The following CCBE1 variants were observed in gnomAD, a reference collection of about 807,000 sequenced individuals.
The protein encoded by CCBE1 is collagen and calcium binding EGF domains 1, also known as collagen and calcium-binding EGF domain-containing protein 1.
Under a neutral mutation model 50.0 loss-of-function variants are expected in CCBE1, and 37 were observed. The ratio of observed to expected loss-of-function variants is 0.74; its 90% CI spans 0.57 to 0.97. CCBE1 has a LOEUF of 0.97. CCBE1 is among the 50% of genes least tolerant of loss of function. CCBE1 has a pLI of 0.00. For synonymous variants in CCBE1, 234 were observed against 203.7 expected, an observed-to-expected ratio of 1.15 and a Z score of -1.27; for missense variants, 538 against 523.8, an observed-to-expected ratio of 1.03 and a Z score of -0.26.
intron 2 of CCBE1, among the ~76,000 whole-genome samples, chr18:59,586,899 C>A (rs924083972): frequency 6.6e-6 from 1 of 152,154 alleles, no homozygotes; most frequent in Non-Finnish European, 1.5e-5. Context: ...ACCTTAAAAA[C>A]GTTCTTTATT....
intron 2 of CCBE1, among the ~76,000 whole-genome samples, chr18:59,521,161 G>A (rs17836213): frequency 0.055 from 8,394 of 152,168 alleles, 805 homozygotes; most frequent in East Asian, 0.36. Flanking sequence ...TTTAACAGTC[G>A]AGATGGCTAT....
chr18:59,524,708 T>C (rs1914746037), intron 2 of CCBE1, among the ~76,000 whole-genome samples: 3 of 152,182 alleles, frequency 2.0e-5, no homozygotes, highest in Non-Finnish European at 4.4e-5. Context: ...ATCACCTAGG[T>C]ATTAAGACTT....
At chr18:59,589,832 C>T (rs958783845) in intron 2 of CCBE1, among the ~76,000 whole-genome samples, 7 of 144,356 alleles carry the variant, frequency 4.8e-5, no homozygotes, top group African/African-American at 7.6e-5. Flanking sequence ...AAAAATGTTA[C>T]ACACCTTGAC....
At chr18:59,531,549 A>G (rs915685300) in intron 2 of CCBE1, among the ~76,000 whole-genome samples, 2 of 152,060 alleles carry the variant, frequency 1.3e-5, no homozygotes, top group African/African-American at 4.8e-5. Context: ...AGAATTCAAG[A>G]CCAGCCTGGG....
chr18:59,597,494 C>T (rs1317509468), intron 2 of CCBE1, among the ~76,000 whole-genome samples: 2 of 152,162 alleles, frequency 1.3e-5, no homozygotes, highest in African/African-American at 4.8e-5. Context: ...CTTGCTTCCT[C>T]CGGTCCTCTC....
chr18:59,686,913 G>T (rs1476290364), intron 2 of CCBE1, among the ~76,000 whole-genome samples: 6 of 152,150 alleles, frequency 3.9e-5, no homozygotes, highest in African/African-American at 1.2e-4. Flanking sequence ...TAATCATTCA[G>T]ATTTGGCCAG....
chr18:59,467,617 G>A (rs776233687), intron 4 of CCBE1, among the ~76,000 whole-genome samples: 3 of 152,152 alleles, frequency 2.0e-5, no homozygotes, highest in Admixed American at 6.5e-5. Flanking sequence ...CTCCCCTGCC[G>A]CATGGTGGAA....
chr18:59,451,822 T>C (rs1485143677), intron 6 of CCBE1, among the ~76,000 whole-genome samples: 3 of 151,974 alleles, frequency 2.0e-5, no homozygotes, highest in African/African-American at 7.3e-5. Context: ...ATAAAAAAAG[T>C]AAGCACCCTT....
chr18:59,623,123 G>C (rs549777701), intron 2 of CCBE1, among the ~76,000 whole-genome samples: 5 of 152,294 alleles, frequency 3.3e-5, no homozygotes, highest in Admixed American at 2.0e-4. Flanking sequence ...ACCTATCCAT[G>C]TGGAGTCGAG....
chr18:59,639,740 C>A (rs1196111869), intron 2 of CCBE1, among the ~76,000 whole-genome samples: 1 of 152,146 alleles, frequency 6.6e-6, no homozygotes, highest in African/African-American at 2.4e-5. Context: ...TACCTAGAAA[C>A]CCCCATAGTC....
At chr18:59,586,113 C>A (rs1254241193) in intron 2 of CCBE1, among the ~76,000 whole-genome samples, 1 of 152,196 alleles carries the variant, frequency 6.6e-6, no homozygotes, top group Non-Finnish European at 1.5e-5. Flanking sequence ...AAACTAGTAT[C>A]ATGGACATGA....
intron 2 of CCBE1, among the ~76,000 whole-genome samples, chr18:59,691,899 C>A (rs955974863): frequency 1.3e-5 from 2 of 152,146 alleles, no homozygotes; most frequent in Non-Finnish European, 2.9e-5. Flanking sequence ...GCCAGTAAGA[C>A]CCTTCATAAT....
chr18:59,668,798 G>A (rs903112553), intron 2 of CCBE1, among the ~76,000 whole-genome samples: 4 of 149,034 alleles, frequency 2.7e-5, no homozygotes, highest in Middle Eastern at 3.5e-3. Flanking sequence ...ACATTGTGCT[G>A]GATGATGGTT....
chr18:59,682,723 G>A (rs2054607253), intron 2 of CCBE1, among the ~76,000 whole-genome samples: 1 of 152,242 alleles, frequency 6.6e-6, no homozygotes, highest in Admixed American at 6.5e-5. Flanking sequence ...GGATATCTTA[G>A]CATATGCATA....
At chr18:59,652,963 CA>C (rs34300816) in intron 2 of CCBE1, among the ~76,000 whole-genome samples, 5 of 148,638 alleles carry the variant, frequency 3.4e-5, no homozygotes, top group African/African-American at 7.4e-5. Context: ...GACTCCGTCT[CA>C]AAAAAAAAAA....
chr18:59,643,690 G>A (rs1233585102), intron 2 of CCBE1, among the ~76,000 whole-genome samples: 2 of 152,028 alleles, frequency 1.3e-5, no homozygotes, highest in Non-Finnish European at 1.5e-5. Flanking sequence ...GTGTGGGGGC[G>A]CACACCTGTA....
chr18:59,587,515 T>C (rs2053195003), intron 2 of CCBE1, among the ~76,000 whole-genome samples: 2 of 152,234 alleles, frequency 1.3e-5, no homozygotes, highest in East Asian at 1.9e-4. Flanking sequence ...GGACAGAACA[T>C]GTTATAGGAA....
At position 59,552,290 on chromosome 18, in the gene CCBE1, C is replaced by T. The variant is rs143153163; in HGVS notation, c.213-72052G>A. ...AGAAATGGACTCTCCCTCTTAAAGGCCTGCAAATTATTGTGAGCATTTTTC... is the reference window on the plus strand; with the variant it reads ...AGAAATGGACTCTCCCTCTTAAAGGTCTGCAAATTATTGTGAGCATTTTTC... On this transcript the variant is annotated intron_variant, in intron 2 of 10. Coordinates refer to ENST00000439986, the MANE Select transcript of CCBE1 (RefSeq NM_133459.4). Among the ~76,000 whole-genome samples the T allele has an allele frequency of 1.5e-3, 222 of 152,320 alleles. 2 individuals are homozygous for T. The highest frequency in any genetic ancestry group is 4.9e-4 in the Non-Finnish European group (33 of 68,026).
intron 5 of CCBE1, among the ~76,000 whole-genome samples, chr18:59,456,366 A>C (rs960549746): frequency 2.6e-5 from 4 of 152,222 alleles, no homozygotes; most frequent in African/African-American, 9.6e-5. Context: ...AAATCAGTTA[A>C]GATGAAGTTA....
Sources: allele counts gnomAD v4.1 joint callset (sites outside exome capture counted in the v4.1 genomes callset), GRCh38; gene constraint gnomAD v4.1.1; transcripts MANE v1.5; gene names NCBI Gene and HGNC (gene_info 2026-07-23, HGNC 2026-07-21).